The following ANKRD17 variants were observed in gnomAD, a reference collection of about 807,000 sequenced individuals.
ANKRD17 encodes the protein ankyrin repeat domain 17, also known as ankyrin repeat domain-containing protein 17.
ANKRD17 carries 19 observed loss-of-function variants against 229.7 expected under a neutral mutation model. The observed-to-expected ratio is 0.08, with a 90% CI of 0.06 to 0.12. ANKRD17 has a LOEUF of 0.12. Ranked by LOEUF, ANKRD17 falls within the 10% of genes least tolerant of loss-of-function variation. The pLI, the probability that ANKRD17 is intolerant of heterozygous loss-of-function variation, is 1.00. For synonymous variants in ANKRD17, 1,112 were observed against 1,146.1 expected (o/e 0.97, Z 0.60); for missense variants, 2,176 against 3,176.8 (o/e 0.68, Z 7.57).
At chr4:73,092,824 A>C (rs184701117) in intron 28 of ANKRD17, among the ~76,000 whole-genome samples, 2 of 152,330 alleles carry the variant, frequency 1.3e-5, no homozygotes, top group East Asian at 3.9e-4. Flanking sequence ...ATTCATTAGT[A>C]GTTTGTCTAT....
At chr4:73,252,608 A>G (rs535478904) in intron 1 of ANKRD17, among the ~76,000 whole-genome samples, 4 of 152,134 alleles carry the variant, frequency 2.6e-5, no homozygotes, top group Non-Finnish European at 5.9e-5. Flanking sequence ...CTTCAACAAA[A>G]TCTTTTGTTT....
At chr4:73,116,866 C>A (rs78005708) in intron 22 of ANKRD17, among the ~76,000 whole-genome samples, 2,488 of 151,816 alleles carry the variant, frequency 0.016, 40 homozygotes, top group Middle Eastern at 0.041. Context: ...TACTATGTTG[C>A]ACCCTATATA....
intron 28 of ANKRD17, among the ~76,000 whole-genome samples, chr4:73,093,264 T>G (rs1459257676): frequency 6.6e-6 from 1 of 152,182 alleles, no homozygotes; most frequent in African/African-American, 2.4e-5. Context: ...TACATTCTTA[T>G]GATTTCTTAG....
At chr4:73,235,863 T>TG (rs1435101694) in intron 1 of ANKRD17, among the ~76,000 whole-genome samples, 5 of 151,948 alleles carry the variant, frequency 3.3e-5, no homozygotes, top group Non-Finnish European at 7.4e-5. Flanking sequence ...TTTAAAATTT[T>TG]TTCTTTTTTT....
intron 10 of ANKRD17, 39 bp from the exon 11 acceptor site, chr4:73,144,871 C>T (rs762668521): frequency 5.1e-6 from 7 of 1,381,358 alleles, no homozygotes; most frequent in East Asian, 2.3e-5. Context: ...CATTTAATTG[C>T]CAGTGAACAA....
At position 73,127,576 on chromosome 4, in the gene ANKRD17, A is replaced by G. The variant is rs547447441; in HGVS notation, c.3235-2264T>C. On this transcript the variant is annotated intron_variant, in intron 16 of 33. Coordinates refer to ENST00000358602, the MANE Select transcript of ANKRD17 (RefSeq NM_032217.5). ...TGCCTTATATGTTTATCACCCACAG[A>G]GACTATAAATTCCTGGGAGGTAAGG... 2.0e-5 allele frequency among the ~76,000 whole-genome samples: 3 copies of G among 152,268 alleles called. No individual in the cohort carries two copies. The South Asian group carries it at 6.2e-4, about 32-fold the overall frequency.
intron 25 of ANKRD17, chr4:73,098,803 GCTC>G (rs1723600486): frequency 6.7e-7 from 1 of 1,495,768 alleles, no homozygotes; most frequent in East Asian, 2.3e-5. Context: ...TCTTCCACCT[GCTC>G]CTTAGAGAAG....
At chr4:73,097,926 CTTCAA>C (rs981471064) in intron 26 of ANKRD17, 142 bp downstream of exon 26, 9 of 610,676 alleles carry the variant, frequency 1.5e-5, no homozygotes, top group African/African-American at 9.4e-5. Context: ...AAAGCTTATT[CTTCAA>C]TTCAATTGAA....
At chr4:73,084,607 C>T (rs1299983614) in intron 30 of ANKRD17, among the ~76,000 whole-genome samples, 1 of 151,946 alleles carries the variant, frequency 6.6e-6, no homozygotes, top group Non-Finnish European at 1.5e-5. Context: ...CACCACAACG[C>T]CTGGCTAATT....
In ANKRD17 at chr4:73,186,413, T is replaced by C. The variant is rs142096552; in HGVS notation, c.394-8880A>G. Among the ~76,000 whole-genome samples the C allele has an allele frequency of 1.9e-3, 287 of 152,260 alleles. 1 individual carries two copies. The highest frequency in any genetic ancestry group is 6.6e-3 in the African/African-American group (274 of 41,588). On this transcript the variant is annotated intron_variant, in intron 1 of 33. Transcript: ENST00000358602. ...GATTCATTATGGTATTCTGAGATTA[T>C]AGTAAATAAAACTAAAGTGAACCTC...
chr4:73,076,213 C>T lies in ANKRD17; in HGVS notation c.*18G>A. On this transcript the variant is annotated 3_prime_UTR_variant, in exon 34 of 34. Transcript: ENST00000358602. Reference sequence around the variant, plus strand: ...CTCCAAATGAAAAGGAATCTGCAGGCTAACAAGCTGATCCTCATCAGCCAA... The same window carrying T: ...CTCCAAATGAAAAGGAATCTGCAGGTTAACAAGCTGATCCTCATCAGCCAA... 6.3e-7 allele frequency: 1 copy of T among 1,594,466 alleles called. No individual in the cohort carries two copies. Among genetic ancestry groups the T allele is most frequent in the East Asian group, 2.3e-5 (1 of 44,278 alleles).
At chr4:73,209,599 C>T (rs1260818112) in intron 1 of ANKRD17, among the ~76,000 whole-genome samples, 2 of 152,104 alleles carry the variant, frequency 1.3e-5, no homozygotes, top group African/African-American at 4.8e-5. Context: ...GAAGGATATA[C>T]TCCCAATTTT....
chr4:73,235,369 A>C (rs954383712), intron 1 of ANKRD17, among the ~76,000 whole-genome samples: 2 of 152,166 alleles, frequency 1.3e-5, no homozygotes, highest in African/African-American at 4.8e-5. Flanking sequence ...CATACTACTA[A>C]CACTATTCAA....
chr4:73,086,880 C>T (rs1429729182), intron 29 of ANKRD17, among the ~76,000 whole-genome samples: 2 of 94,072 alleles, frequency 2.1e-5, no homozygotes, highest in African/African-American at 4.4e-5. Flanking sequence ...CCTGGGCGTC[C>T]GAGTGAGACT....
chr4:73,218,642 CAAAAAAAAAAAAA>C (rs919657671), intron 1 of ANKRD17, among the ~76,000 whole-genome samples: 1 of 59,676 alleles, frequency 1.7e-5, no homozygotes, highest in African/African-American at 6.0e-5. Context: ...GACTCTGTCT[CAAAAAAAAAAAAA>C]AAAAAAAAGA....
At chr4:73,240,277 T>C (rs1230856069) in intron 1 of ANKRD17, among the ~76,000 whole-genome samples, 3 of 151,758 alleles carry the variant, frequency 2.0e-5, no homozygotes, top group African/African-American at 4.8e-5. Flanking sequence ...GAAAAAAAAA[T>C]GTCAAGCCTG....
chr4:73,114,056 G>A (rs982513978), intron 23 of ANKRD17, 148 bp from the exon 24 acceptor site: 22 of 548,680 alleles, frequency 4.0e-5, no homozygotes, highest in African/African-American at 7.5e-5. Context: ...AAATAAAAAC[G>A]TAATTGACAT....
rs1193525895 is a variant in ANKRD17 at position 73,100,457 on chromosome 4, TA to T, written c.4573+1918del. Among the ~76,000 whole-genome samples, 814 of 122,044 alleles carry T rather than the reference TA, an allele frequency of 6.7e-3. 6 individuals carry two copies. Among genetic ancestry groups the T allele is most frequent in the African/African-American group, 0.022 (721 of 32,934 alleles). 80.1% of individuals were successfully genotyped at this position (122,044 alleles called of 152,430 possible). On this transcript the variant is annotated intron_variant, in intron 25 of 33. Coordinates refer to ENST00000358602, the MANE Select transcript of ANKRD17 (RefSeq NM_032217.5). ...GGTTTCCTATTTGCAGTTACTTGAA[TA>T]AAAAAAAAAAACATATATATATATA...
chr4:73,185,825 A>C (rs1736222358), intron 1 of ANKRD17, among the ~76,000 whole-genome samples: 1 of 152,064 alleles, frequency 6.6e-6, no homozygotes, highest in South Asian at 2.1e-4. Flanking sequence ...CAACAGTCTT[A>C]ATTTTGGTTT....
Sources: allele counts gnomAD v4.1 joint callset (sites outside exome capture counted in the v4.1 genomes callset), GRCh38; gene constraint gnomAD v4.1.1; transcripts MANE v1.5; gene names NCBI Gene and HGNC (gene_info 2026-07-23, HGNC 2026-07-21).